Variants in CTNNA2 observed in about 807,000 individuals in gnomAD.
CTNNA2 encodes the protein catenin alpha 2.
A neutral mutation model predicts 101.0 loss-of-function variants in CTNNA2; 42 were observed. That is an observed-to-expected ratio of 0.42 (90% CI 0.32 to 0.54). CTNNA2 has a LOEUF of 0.54. Ranked by LOEUF, CTNNA2 falls within the 20% of genes least tolerant of loss-of-function variation. CTNNA2 has a pLI of 0.14. For missense variants in CTNNA2, 871 were observed against 1,223.1 expected (o/e 0.71, Z 4.29); for synonymous variants, 450 against 456.4 (o/e 0.99, Z 0.18).
At chr2:79,823,835 A>C (rs1678212385) in intron 3 of CTNNA2, among the ~76,000 whole-genome samples, 1 of 152,062 alleles carries the variant, frequency 6.6e-6, no homozygotes. Context: ...CACAAATATC[A>C]CCAATTGCTC....
At chr2:79,584,886 A>G (rs868032355) in intron 1 of CTNNA2, among the ~76,000 whole-genome samples, 1 of 152,222 alleles carries the variant, frequency 6.6e-6, no homozygotes, top group African/African-American at 2.4e-5. Flanking sequence ...CCAGTCTCAC[A>G]TAGACATCCG....
chr2:79,858,216 GA>G (rs1558586822), intron 4 of CTNNA2, 37 bp downstream of exon 4: 1 of 1,539,140 alleles, frequency 6.5e-7, no homozygotes, highest in Non-Finnish European at 9.0e-7. Flanking sequence ...TTCTTTATGT[GA>G]GTGGCAATCT....
intron 7 of CTNNA2, among the ~76,000 whole-genome samples, chr2:80,310,948 G>A (rs1172406979): frequency 1.3e-5 from 2 of 148,704 alleles, no homozygotes; most frequent in African/African-American, 2.5e-5. Context: ...ACTCCAGCCT[G>A]GGTGACAGTG....
At chr2:80,377,659 T>C (rs539280537) in intron 7 of CTNNA2, among the ~76,000 whole-genome samples, 3 of 152,174 alleles carry the variant, frequency 2.0e-5, no homozygotes, top group African/African-American at 7.2e-5. Flanking sequence ...TGAGATAACA[T>C]TGATTTATTT....
intron 7 of CTNNA2, among the ~76,000 whole-genome samples, chr2:80,170,231 CTGTG>C (rs367680219): frequency 1.4e-5 from 2 of 147,554 alleles, no homozygotes; most frequent in African/African-American, 2.6e-5. Flanking sequence ...CTCTCTCTCT[CTGTG>C]TGTGTGTGTG....
chr2:79,895,003 C>G (rs778105779), intron 6 of CTNNA2, among the ~76,000 whole-genome samples: 1 of 152,202 alleles, frequency 6.6e-6, no homozygotes, highest in African/African-American at 2.4e-5. Flanking sequence ...CAATAGATAG[C>G]CCATGGCTAC....
intron 9 of CTNNA2, among the ~76,000 whole-genome samples, chr2:80,453,387 C>T (rs1559122730): frequency 6.6e-6 from 1 of 151,338 alleles, no homozygotes; most frequent in South Asian, 2.1e-4. Context: ...AAGAACAGCA[C>T]ATCTGTTTGT....
At chr2:79,524,066 C>T (rs943436261) in intron 1 of CTNNA2, among the ~76,000 whole-genome samples, 6 of 152,016 alleles carry the variant, frequency 3.9e-5, no homozygotes, top group Non-Finnish European at 8.8e-5. Context: ...AAAGTTTCAT[C>T]TCTATTTTTA....
intron 7 of CTNNA2, chr2:80,163,052 A>G (rs1336390237): frequency 2.6e-6 from 4 of 1,565,078 alleles, no homozygotes; most frequent in South Asian, 1.1e-5. Flanking sequence ...GATTCATTGC[A>G]TAAGGAACAG....
chr2:80,108,843 T>G (rs1204463037), intron 7 of CTNNA2, among the ~76,000 whole-genome samples: 1 of 152,214 alleles, frequency 6.6e-6, no homozygotes, highest in African/African-American at 2.4e-5. Context: ...CTTGCTTTTT[T>G]GTTTACACAC....
chr2:80,461,892 A>G (rs980553764), intron 9 of CTNNA2, among the ~76,000 whole-genome samples: 6 of 152,188 alleles, frequency 3.9e-5, no homozygotes, highest in African/African-American at 1.4e-4. Flanking sequence ...CAGCATTTCT[A>G]GAAGGGGAGC....
intron 7 of CTNNA2, among the ~76,000 whole-genome samples, chr2:80,192,896 C>T (rs1706602808): frequency 6.6e-6 from 1 of 152,150 alleles, no homozygotes; most frequent in Non-Finnish European, 1.5e-5. Context: ...TACTCAGTCC[C>T]ACCATACTGA....
chr2:79,933,088 T>C (rs528753701), intron 7 of CTNNA2, among the ~76,000 whole-genome samples: 3 of 152,326 alleles, frequency 2.0e-5, no homozygotes, highest in Admixed American at 2.0e-4. Context: ...CTTGGACAAT[T>C]ATAGTTATCA....
intron 7 of CTNNA2, among the ~76,000 whole-genome samples, chr2:80,095,109 T>C (rs1468117025): frequency 6.6e-6 from 1 of 152,238 alleles, no homozygotes; most frequent in Admixed American, 6.5e-5. Context: ...CTTCCAGTTA[T>C]TGTCCATTCA....
chr2:79,363,858 C>T (rs954388280), intron 3 of CTNNA2, among the ~76,000 whole-genome samples: 2 of 152,192 alleles, frequency 1.3e-5, no homozygotes, highest in African/African-American at 4.8e-5. Flanking sequence ...AATCACTCTC[C>T]TTGGGCCAGG....
At chr2:79,718,733 A>G (rs1303293103) in intron 2 of CTNNA2, among the ~76,000 whole-genome samples, 1 of 152,162 alleles carries the variant, frequency 6.6e-6, no homozygotes, top group East Asian at 1.9e-4. Flanking sequence ...ATGCTGATGT[A>G]TAGCAAAGAT....
intron 1 of CTNNA2, among the ~76,000 whole-genome samples, chr2:79,579,462 G>C (rs1430774577): frequency 1.3e-5 from 2 of 152,220 alleles, no homozygotes; most frequent in East Asian, 3.9e-4. Flanking sequence ...CGGTGGGACA[G>C]TTTAATATAA....
chr2:80,256,553 C>T (rs1451447516), intron 7 of CTNNA2, among the ~76,000 whole-genome samples: 1 of 152,108 alleles, frequency 6.6e-6, no homozygotes, highest in Non-Finnish European at 1.5e-5. Flanking sequence ...AAAAAAATCC[C>T]TACTTCTGGA....
At chr2:79,857,861 A>T in intron 3 of CTNNA2, 152 bp from the exon 4 acceptor site, 1 of 736,608 alleles carries the variant, frequency 1.4e-6, no homozygotes, top group Non-Finnish European at 2.3e-6. Context: ...ACTTGACTTA[A>T]AGGGCTCTTT....
Sources: allele counts gnomAD v4.1 joint callset (sites outside exome capture counted in the v4.1 genomes callset), GRCh38; gene constraint gnomAD v4.1.1; transcripts MANE v1.5; gene names NCBI Gene and HGNC (gene_info 2026-07-23, HGNC 2026-07-21).